Variants in DLG2 observed in about 807,000 individuals in gnomAD.
DLG2 encodes the protein disks large homolog 2.
In DLG2, 45 loss-of-function variants were observed where a neutral mutation model predicts 132.5. That is an observed-to-expected ratio of 0.34 (90% CI 0.27 to 0.44). The LOEUF is 0.44. Among genes scored for constraint, DLG2 ranks in the 20% least tolerant of loss-of-function variants. The pLI, the probability that DLG2 is intolerant of heterozygous loss-of-function variation, is 1.00. For missense variants in DLG2, 1,045 were observed against 1,196.9 expected, an observed-to-expected ratio of 0.87 and a Z score of 1.87; for synonymous variants, 424 against 419.6, an observed-to-expected ratio of 1.01 and a Z score of -0.13.
chr11:83,984,582 A>T (rs1350944174), intron 11 of DLG2, among the ~76,000 whole-genome samples: 6 of 152,140 alleles, frequency 3.9e-5, no homozygotes, highest in Non-Finnish European at 7.4e-5. Flanking sequence ...TCATTTATTC[A>T]TTCACACATC....
At chr11:84,515,808 C>A (rs916331199) in intron 7 of DLG2, among the ~76,000 whole-genome samples, 1 of 151,728 alleles carries the variant, frequency 6.6e-6, no homozygotes, top group Non-Finnish European at 1.5e-5. Flanking sequence ...GCACATAGAG[C>A]ATTTTCCAAA....
chr11:83,953,021 T>G (rs1177451967), intron 14 of DLG2, among the ~76,000 whole-genome samples: 1 of 152,140 alleles, frequency 6.6e-6, no homozygotes, highest in African/African-American at 2.4e-5. Context: ...AAGCAGTATT[T>G]TCAAGATGTG....
chr11:84,652,076 G>A (rs2099682699), intron 6 of DLG2, among the ~76,000 whole-genome samples: 2 of 152,172 alleles, frequency 1.3e-5, no homozygotes. Context: ...ATAGCCAGAT[G>A]ATTATGAAAG....
chr11:85,376,538 T>C (rs1350165633), intron 3 of DLG2, among the ~76,000 whole-genome samples: 1 of 152,216 alleles, frequency 6.6e-6, no homozygotes, highest in Non-Finnish European at 1.5e-5. Flanking sequence ...AGAGAGCAGA[T>C]GTTCTTTCAG....
In DLG2 at chr11:84,371,719, T is replaced by G. The variant is rs185649103; in HGVS notation, c.520-120428A>C. Among the ~76,000 whole-genome samples, 356 of 152,330 alleles carry G rather than the reference T, an allele frequency of 2.3e-3. 2 individuals carry two copies. The highest frequency in any genetic ancestry group is 8.3e-3 in the African/African-American group (345 of 41,578). ...CTATACTTCTCATGGTGAGCTCAAC[T>G]GGTTAGTTAACAAAAAAGTCCTGAT... On this transcript the variant is annotated intron_variant, in intron 7 of 27. Transcript: ENST00000376104.
chr11:84,186,572 C>G (rs918565731), intron 8 of DLG2, among the ~76,000 whole-genome samples: 2 of 151,892 alleles, frequency 1.3e-5, no homozygotes, highest in Non-Finnish European at 2.9e-5. Flanking sequence ...CTAGATCTTT[C>G]AGGCTGGGCA....
At chr11:84,662,548 C>G (rs1020381085) in intron 6 of DLG2, among the ~76,000 whole-genome samples, 1 of 151,682 alleles carries the variant, frequency 6.6e-6, no homozygotes, top group African/African-American at 2.4e-5. Flanking sequence ...CTTTGGGAGG[C>G]CAAGGAGGGC....
intron 3 of DLG2, among the ~76,000 whole-genome samples, chr11:85,398,580 A>G (rs2087671151): frequency 6.6e-6 from 1 of 152,202 alleles, no homozygotes; most frequent in African/African-American, 2.4e-5. Context: ...GATGCAATAA[A>G]AAATGATAAA....
intron 9 of DLG2, among the ~76,000 whole-genome samples, chr11:84,130,189 T>C (rs936190306): frequency 5.9e-5 from 9 of 151,956 alleles, no homozygotes; most frequent in African/African-American, 1.7e-4. Flanking sequence ...AGTCTGAAAC[T>C]ATGTTCTACA....
chr11:83,877,931 G>T (rs1039389445), intron 15 of DLG2, among the ~76,000 whole-genome samples: 1 of 152,136 alleles, frequency 6.6e-6, no homozygotes, highest in Admixed American at 6.6e-5. Context: ...AGGTTCTATC[G>T]TTTCCACATT....
chr11:84,112,805 A>G (rs2093433471), intron 9 of DLG2, among the ~76,000 whole-genome samples: 2 of 152,196 alleles, frequency 1.3e-5, no homozygotes, highest in African/African-American at 4.8e-5. Context: ...CTCCCTTGGA[A>G]CGGATAAAGA....
intron 4 of DLG2, among the ~76,000 whole-genome samples, chr11:85,276,611 C>T (rs2077906697): frequency 6.6e-6 from 1 of 152,140 alleles, no homozygotes; most frequent in South Asian, 2.1e-4. Context: ...ACCGCCATGA[C>T]TCATTCCTGT....
At chr11:84,427,620 A>C (rs1292949656) in intron 7 of DLG2, among the ~76,000 whole-genome samples, 2 of 152,222 alleles carry the variant, frequency 1.3e-5, no homozygotes, top group East Asian at 3.8e-4. Flanking sequence ...GAAAGGAACA[A>C]GAAAAAGACT....
intron 6 of DLG2, among the ~76,000 whole-genome samples, chr11:84,659,803 AT>A (rs1326651934): frequency 6.6e-6 from 1 of 152,150 alleles, no homozygotes; most frequent in Non-Finnish European, 1.5e-5. Context: ...AACTTTTATC[AT>A]TCACTAGAAA....
chr11:85,144,020 G>T (rs1442580907), intron 5 of DLG2, among the ~76,000 whole-genome samples: 2 of 151,766 alleles, frequency 1.3e-5, no homozygotes, highest in Non-Finnish European at 2.9e-5. Flanking sequence ...GCTAAAAATG[G>T]GTTGTTGAGC....
chr11:84,867,739 A>G (rs1315212237), intron 6 of DLG2, among the ~76,000 whole-genome samples: 1 of 152,218 alleles, frequency 6.6e-6, no homozygotes, highest in Non-Finnish European at 1.5e-5. Context: ...AAACACATCA[A>G]GGGTACCAGA....
At chr11:83,808,961 C>T (rs1029926427) in intron 17 of DLG2, among the ~76,000 whole-genome samples, 1 of 152,054 alleles carries the variant, frequency 6.6e-6, no homozygotes, top group Non-Finnish European at 1.5e-5. Flanking sequence ...CTTTCCTCTG[C>T]GGCTGGGCTG....
At chr11:83,728,983 A>G (rs1187945675) in intron 18 of DLG2, among the ~76,000 whole-genome samples, 1 of 152,154 alleles carries the variant, frequency 6.6e-6, no homozygotes, top group East Asian at 1.9e-4. Flanking sequence ...TTCCTTCTAC[A>G]ATGCAGGCAT....
chr11:85,323,157 T>A (rs1001352878), intron 3 of DLG2, among the ~76,000 whole-genome samples: 15 of 152,174 alleles, frequency 9.9e-5, no homozygotes, highest in Admixed American at 9.2e-4. Flanking sequence ...GAAACCTTTC[T>A]CTCTCTCTTG....
Sources: gnomAD v4.1 joint callset for allele counts (sites outside exome capture counted in the v4.1 genomes callset) on GRCh38, gnomAD v4.1.1 for gene constraint, MANE v1.5 for transcripts, NCBI Gene and HGNC (gene_info 2026-07-23, HGNC 2026-07-21) for gene names.